Variants in PRKD1 observed in about 807,000 individuals in gnomAD.
The protein encoded by PRKD1 is serine/threonine-protein kinase D1.
In PRKD1, 63 loss-of-function variants were observed where a neutral mutation model predicts 95.9. The observed-to-expected ratio is 0.66, with a 90% CI of 0.54 to 0.81. PRKD1 has a LOEUF of 0.81. PRKD1 is among the 30% of genes least tolerant of loss of function. The probability of loss-of-function intolerance (pLI) is 0.00; values close to 1 mark genes in which losing one functional copy is unlikely to be tolerated. For missense variants in PRKD1, 1,048 were observed against 1,165.3 expected, an observed-to-expected ratio of 0.90 and a Z score of 1.47; for synonymous variants, 425 against 423.1, an observed-to-expected ratio of 1.00 and a Z score of -0.05.
chr14:29,594,140 T>G (rs750207832), intron 16 of PRKD1: 5 of 455,124 alleles, frequency 1.1e-5, no homozygotes, highest in Admixed American at 2.4e-5. Flanking sequence ...CACCCCAAGA[T>G]ATAGGTATTA....
intron 1 of PRKD1, among the ~76,000 whole-genome samples, chr14:29,823,957 C>G (rs1891018298): frequency 6.6e-6 from 1 of 152,198 alleles, no homozygotes; most frequent in African/African-American, 2.4e-5. Context: ...TGGGGCTAAG[C>G]CTTAGAAACA....
At chr14:29,877,446 T>A (rs1004967932) in intron 1 of PRKD1, among the ~76,000 whole-genome samples, 1 of 152,228 alleles carries the variant, frequency 6.6e-6, no homozygotes, top group Non-Finnish European at 1.5e-5. Flanking sequence ...GTTGTCTGTT[T>A]ACTCTGTTAA....
intron 3 of PRKD1, among the ~76,000 whole-genome samples, chr14:29,664,552 A>C (rs1051732875): frequency 1.3e-5 from 2 of 152,190 alleles, no homozygotes; most frequent in South Asian, 4.1e-4. Context: ...AATTTTCATA[A>C]AACCAGATTT....
chr14:29,649,502 AT>A (rs201718544), intron 4 of PRKD1, among the ~76,000 whole-genome samples: 8 of 145,422 alleles, frequency 5.5e-5, no homozygotes, highest in Non-Finnish European at 1.1e-4. Flanking sequence ...AGTGTAGTTG[AT>A]TTTTTTTTGG....
intron 2 of PRKD1, among the ~76,000 whole-genome samples, chr14:29,724,602 A>G (rs1886053180): frequency 6.6e-6 from 1 of 152,208 alleles, no homozygotes; most frequent in African/African-American, 2.4e-5. Context: ...AGCAAAGTGA[A>G]TAAAACAAAG....
At chr14:29,629,822 C>A (rs1307655340) in intron 10 of PRKD1, among the ~76,000 whole-genome samples, 1 of 152,066 alleles carries the variant, frequency 6.6e-6, no homozygotes, top group Admixed American at 6.6e-5. Context: ...GTACTCTGCA[C>A]GTCAATACCC....
At chr14:29,786,453 G>C (rs965077443) in intron 1 of PRKD1, among the ~76,000 whole-genome samples, 2 of 152,168 alleles carry the variant, frequency 1.3e-5, no homozygotes, top group Non-Finnish European at 2.9e-5. Context: ...TACTTCAGCA[G>C]TAAAGCCATC....
At chr14:29,764,433 A>T (rs1456726694) in intron 1 of PRKD1, among the ~76,000 whole-genome samples, 1 of 152,202 alleles carries the variant, frequency 6.6e-6, no homozygotes, top group Admixed American at 6.5e-5. Context: ...CTATGATTCA[A>T]TTTCTGCTGC....
intron 2 of PRKD1, among the ~76,000 whole-genome samples, chr14:29,683,343 G>A (rs925936356): frequency 2.6e-5 from 4 of 152,290 alleles, no homozygotes; most frequent in South Asian, 2.1e-4. Flanking sequence ...CACTAATGAT[G>A]AGAAATCACC....
chr14:29,602,140 C>T (rs1893543466), intron 13 of PRKD1, among the ~76,000 whole-genome samples: 1 of 152,102 alleles, frequency 6.6e-6, no homozygotes. Context: ...AGCAATGAAT[C>T]AGAAAGGAGC....
chr14:29,927,164 G>T, intron 1 of PRKD1, 85 bp downstream of exon 1: 1 of 1,307,124 alleles, frequency 7.7e-7, no homozygotes, highest in Non-Finnish European at 9.7e-7. Context: ...CCCGGGAGCC[G>T]GAAAGTTGGC....
In PRKD1 at chr14:29,927,058, G is replaced by C. The variant is rs144773678; in HGVS notation, c.264+191C>G. ...GAGGAAGATGGGGCGAGAGGAGGATGAGCAACAGCGAGCGCAGCGCCTCGG... is the reference window on the plus strand; with the variant it reads ...GAGGAAGATGGGGCGAGAGGAGGATCAGCAACAGCGAGCGCAGCGCCTCGG... On this transcript the variant is annotated intron_variant, in intron 1 of 17. Transcript: ENST00000331968. Among the ~76,000 whole-genome samples the C allele has an allele frequency of 3.0e-3, 461 of 152,124 alleles. 2 individuals are homozygous for C. Among genetic ancestry groups the C allele is most frequent in the African/African-American group, 0.011 (452 of 41,552 alleles).
At chr14:29,895,064 G>A (rs1283654392) in intron 1 of PRKD1, among the ~76,000 whole-genome samples, 2 of 152,232 alleles carry the variant, frequency 1.3e-5, no homozygotes, top group Non-Finnish European at 2.9e-5. Context: ...GGGCGCTGTG[G>A]CTCACGCCTG....
chr14:29,577,348 C>T lies in PRKD1; in HGVS notation c.2629G>A (p.Gly877Arg). 1 of 1,613,684 alleles carries T rather than the reference C, an allele frequency of 6.2e-7. No homozygotes were observed. Residue 877 changes from glycine (G) to arginine (R), a missense_variant, in exon 18 of 18, where the codon GGG becomes AGG. Transcript: ENST00000331968. ...LRWEKYAGEQ[G>R]LQYPTHLINP... is the part of the protein sequence containing the mutation. ...ATCAGGTGTGTGGGGTACTGCAGCC[C>T]CTGCTCGCCTGCATACTTCTCCCAC... is the stretch of plus-strand genomic sequence containing the variant.
chr14:29,752,140 A>G (rs1208807625), intron 1 of PRKD1, among the ~76,000 whole-genome samples: 1 of 152,210 alleles, frequency 6.6e-6, no homozygotes, highest in Admixed American at 6.5e-5. Flanking sequence ...TGTTAGAAAA[A>G]AAGTTCCCTG....
chr14:29,907,436 ATCAT>A (rs1291133538), intron 1 of PRKD1, among the ~76,000 whole-genome samples: 1 of 152,196 alleles, frequency 6.6e-6, no homozygotes, highest in Non-Finnish European at 1.5e-5. Flanking sequence ...AATGAGACAA[ATCAT>A]TCATTCAATC....
intron 1 of PRKD1, among the ~76,000 whole-genome samples, chr14:29,726,282 T>A (rs909034798): frequency 6.6e-6 from 1 of 152,090 alleles, no homozygotes; most frequent in Non-Finnish European, 1.5e-5. Flanking sequence ...AATCTGTCAA[T>A]CCACAATCTC....
intron 1 of PRKD1, among the ~76,000 whole-genome samples, chr14:29,903,154 TAAC>T (rs1186737903): frequency 6.6e-6 from 1 of 152,162 alleles, no homozygotes; most frequent in African/African-American, 2.4e-5. Flanking sequence ...GATTAAAATT[TAAC>T]AGAGAATTTT....
At chr14:29,750,928 A>G (rs1384015343) in intron 1 of PRKD1, among the ~76,000 whole-genome samples, 3 of 152,198 alleles carry the variant, frequency 2.0e-5, no homozygotes, top group Non-Finnish European at 4.4e-5. Flanking sequence ...GTGTTTCCCC[A>G]TGACGGTGGA....
Sources: allele counts gnomAD v4.1 joint callset (sites outside exome capture counted in the v4.1 genomes callset), GRCh38; gene constraint gnomAD v4.1.1; transcripts MANE v1.5; gene names NCBI Gene and HGNC (gene_info 2026-07-23, HGNC 2026-07-21).